MOV10L1: variants seen among roughly 807,000 people sequenced by gnomAD.
The protein encoded by MOV10L1 is RNA helicase Mov10l1.
MOV10L1 carries 110 observed loss-of-function variants against 143.8 expected under a neutral mutation model. That is an observed-to-expected ratio of 0.76 (90% confidence interval 0.66 to 0.90). MOV10L1 has a LOEUF of 0.90. Ranked by LOEUF, MOV10L1 falls within the 40% of genes least tolerant of loss-of-function variation. The pLI is 0.00. For synonymous variants in MOV10L1, 593 were observed against 581.1 expected, an observed-to-expected ratio of 1.02 and a Z score of -0.29; for missense variants, 1,406 against 1,526.8, an observed-to-expected ratio of 0.92 and a Z score of 1.32.
chr22:50,115,125 T>G lies in MOV10L1; in HGVS notation c.1138T>G (p.Cys380Gly). The G allele has an allele frequency of 6.4e-7, 1 of 1,570,978 alleles. No homozygotes were observed. Among genetic ancestry groups the G allele is most frequent in the Non-Finnish European group, 8.6e-7 (1 of 1,166,868 alleles). Residue 380 changes from cysteine (C) to glycine (G), a missense_variant, in exon 8 of 27, where the codon TGT becomes GGT. Cys to Gly is a radical substitution (Grantham distance 159). Transcript: ENST00000262794. ...ATTTTATTTCCCAGGTGATTGTACC[T>G]GTAAAGGAGAAAATGGAGAAAAAGA... is the stretch of plus-strand genomic sequence containing the variant. ...NRGISPGDCT[C>G]KGENGEKDNI...
chr22:50,092,448 A>G (rs2062474679), intron 2 of MOV10L1, among the ~76,000 whole-genome samples: 1 of 152,128 alleles, frequency 6.6e-6, no homozygotes. Context: ...CCTGGGCAGC[A>G]TGGTGAAACC....
intron 5 of MOV10L1, among the ~76,000 whole-genome samples, chr22:50,111,519 G>A (rs1235829577): frequency 2.8e-5 from 3 of 105,378 alleles, no homozygotes; most frequent in Non-Finnish European, 5.3e-5. Context: ...TTTTTGAGAC[G>A]TTGAGATGGA....
At chr22:50,148,667 T>C (rs1039911171) in intron 19 of MOV10L1, among the ~76,000 whole-genome samples, 2 of 150,848 alleles carry the variant, frequency 1.3e-5, no homozygotes, top group African/African-American at 2.4e-5. Context: ...TTTTTTCTTT[T>C]TTTTTTTTTT....
chr22:50,122,770 CTTTT>C (rs2062384736), intron 10 of MOV10L1, among the ~76,000 whole-genome samples: 1 of 146,346 alleles, frequency 6.8e-6, no homozygotes, highest in Non-Finnish European at 1.5e-5. Flanking sequence ...TCCTTTTTCT[CTTTT>C]TTATTTATTT....
chr22:50,090,314 C>T (rs1009223301), intron 1 of MOV10L1, 129 bp downstream of exon 1: 13 of 1,462,454 alleles, frequency 8.9e-6, no homozygotes, highest in East Asian at 2.5e-5. Context: ...CTTTCCTCAT[C>T]TCCGCTGGCG....
chr22:50,109,025 T>C (rs1259534075), intron 5 of MOV10L1, among the ~76,000 whole-genome samples, 181 bp downstream of exon 5: 2 of 152,052 alleles, frequency 1.3e-5, no homozygotes, highest in African/African-American at 4.8e-5. Context: ...TCGCCTGTAA[T>C]CCCAGCTACT....
intron 8 of MOV10L1, among the ~76,000 whole-genome samples, chr22:50,116,240 C>G (rs1247791663): frequency 2.1e-5 from 3 of 143,562 alleles, no homozygotes; most frequent in Non-Finnish European, 1.5e-5. Flanking sequence ...CAGGTTTTTT[C>G]AAAAAAGCCA....
chr22:50,137,802 TA>T (rs1297375088), intron 15 of MOV10L1, among the ~76,000 whole-genome samples: 50 of 54,838 alleles, frequency 9.1e-4, no homozygotes, highest in East Asian at 2.8e-3. Flanking sequence ...ATACATATTT[TA>T]TATATATACA....
chr22:50,140,540 T>A (rs1569028832), intron 15 of MOV10L1, among the ~76,000 whole-genome samples: 1 of 152,126 alleles, frequency 6.6e-6, no homozygotes, highest in Non-Finnish European at 1.5e-5. Context: ...TCACTAACAC[T>A]AATGATAGCT....
In MOV10L1 at chr22:50,160,339, C is replaced by T. The variant is rs186100701; in HGVS notation, c.3325-349C>T. 6.1e-3 allele frequency among the ~76,000 whole-genome samples: 923 copies of T among 151,644 alleles called. 10 individuals carry two copies. Among genetic ancestry groups the T allele is most frequent in the Admixed American group, 0.022 (342 of 15,212 alleles). Reference sequence around the variant, plus strand: ...TCGGCTCACTGCAAGCTCTGCCTCCCGGGTTCACGCCATTCTCCTGCCTCA... The same window carrying T: ...TCGGCTCACTGCAAGCTCTGCCTCCTGGGTTCACGCCATTCTCCTGCCTCA... On this transcript the variant is annotated intron_variant, in intron 24 of 26. Coordinates refer to ENST00000262794, the MANE Select transcript of MOV10L1 (RefSeq NM_018995.3).
At chr22:50,117,013 T>C in intron 8 of MOV10L1, 144 bp from the exon 9 acceptor site, 2 of 764,610 alleles carry the variant, frequency 2.6e-6, no homozygotes, top group Admixed American at 6.0e-5. Context: ...TTTTAGAAGA[T>C]CTCTTTTTTC....
At chr22:50,141,402 TCA>T (rs1263544720) in intron 15 of MOV10L1, among the ~76,000 whole-genome samples, 15 of 151,520 alleles carry the variant, frequency 9.9e-5, no homozygotes, top group Middle Eastern at 3.4e-3. Flanking sequence ...CAATCTCCAC[TCA>T]CTGCAGCCCC....
chr22:50,110,187 C>T (rs1213670365), intron 5 of MOV10L1, among the ~76,000 whole-genome samples: 2 of 151,976 alleles, frequency 1.3e-5, no homozygotes, highest in East Asian at 3.9e-4. Flanking sequence ...CGGTGGCTCA[C>T]GCCCGTAATA....
intron 3 of MOV10L1, among the ~76,000 whole-genome samples, chr22:50,104,227 T>A (rs2061814901): frequency 6.6e-6 from 1 of 152,218 alleles, no homozygotes; most frequent in Non-Finnish European, 1.5e-5. Context: ...CAAATATAGA[T>A]GAAACTTTGC....
intron 19 of MOV10L1, chr22:50,149,337 G>A (rs571550064): frequency 1.2e-5 from 5 of 418,682 alleles, no homozygotes; most frequent in Admixed American, 4.1e-5. Flanking sequence ...GGAGGCGCTC[G>A]TGTGTTGCCC....
At position 50,126,349 on chromosome 22, in the gene MOV10L1, G is replaced by A. The variant is rs1045931201; in HGVS notation, c.1818+77G>A. The A allele has an allele frequency of 7.0e-5, 74 of 1,062,016 alleles. 1 individual carries two copies. The highest frequency in any genetic ancestry group is 2.0e-4 in the Middle Eastern group (1 of 4,880). The allele number at this position is 1,062,016 out of a possible 1,614,324, so 65.8% of individuals were successfully genotyped here. A position where few individuals can be genotyped will look rare whatever the true frequency, so the allele number is the denominator to read the frequency against. On this transcript the variant is annotated intron_variant, in intron 12 of 26. Transcript: ENST00000262794. Reference sequence around the variant, plus strand: ...GTTGGAAAGGTAACGTTCTCCCCACGGCTCTTGGGGAGATGCTCCCATATG... The same window carrying A: ...GTTGGAAAGGTAACGTTCTCCCCACAGCTCTTGGGGAGATGCTCCCATATG...
chr22:50,144,059 G>A, intron 17 of MOV10L1, 38 bp from the exon 18 acceptor site: 5 of 1,587,458 alleles, frequency 3.1e-6, no homozygotes, highest in Non-Finnish European at 4.3e-6. Flanking sequence ...TTGCGGTGTG[G>A]ATGTTGAGCC....
chr22:50,094,617 T>C (rs1186944073), intron 2 of MOV10L1: 3 of 152,128 alleles, frequency 2.0e-5, no homozygotes, highest in African/African-American at 7.2e-5. Context: ...GCCAGGATGG[T>C]CTCGATCTCC....
intron 3 of MOV10L1, among the ~76,000 whole-genome samples, chr22:50,105,282 A>G (rs1200051769): frequency 6.6e-6 from 1 of 152,202 alleles, no homozygotes; most frequent in African/African-American, 2.4e-5. Flanking sequence ...ATAAGTGTTC[A>G]AACATTTTTA....
Sources: allele counts gnomAD v4.1 joint callset (sites outside exome capture counted in the v4.1 genomes callset), GRCh38; gene constraint gnomAD v4.1.1; transcripts MANE v1.5; gene names NCBI Gene and HGNC (gene_info 2026-07-23, HGNC 2026-07-21).